Variants in RBM47 observed in about 807,000 individuals in gnomAD.
RBM47 encodes the protein RNA-binding protein 47.
A neutral mutation model predicts 47.1 loss-of-function variants in RBM47; 21 were observed. The observed-to-expected ratio is 0.45, with a 90% CI of 0.32 to 0.64. The LOEUF is 0.64. Ranked by LOEUF, RBM47 falls within the 30% of genes least tolerant of loss-of-function variation. The pLI is 0.05. For missense variants in RBM47, 708 were observed against 870.9 expected, an observed-to-expected ratio of 0.81 and a Z score of 2.35; for synonymous variants, 375 against 361.7, an observed-to-expected ratio of 1.04 and a Z score of -0.42.
intron 3 of RBM47, among the ~76,000 whole-genome samples, chr4:40,459,841 G>A (rs563689937): frequency 2.0e-5 from 3 of 152,204 alleles, no homozygotes; most frequent in Admixed American, 6.5e-5. Context: ...CTCTGCCTCC[G>A]CCTCCCAGGT....
chr4:40,560,516 C>T (rs945488712), intron 1 of RBM47, among the ~76,000 whole-genome samples: 1 of 152,250 alleles, frequency 6.6e-6, no homozygotes, highest in African/African-American at 2.4e-5. Flanking sequence ...TCTCCCTGCT[C>T]CCGGCAGTGC....
intron 1 of RBM47, among the ~76,000 whole-genome samples, chr4:40,590,993 G>C (rs1182532959): frequency 6.6e-6 from 1 of 152,184 alleles, no homozygotes; most frequent in African/African-American, 2.4e-5. Flanking sequence ...AGTAGAGTCG[G>C]GGTTTCCCCG....
chr4:40,454,364 C>T (rs1715905769), intron 3 of RBM47, among the ~76,000 whole-genome samples: 1 of 152,190 alleles, frequency 6.6e-6, no homozygotes, highest in South Asian at 2.1e-4. Context: ...TAATAATTAT[C>T]GCTATCTCAA....
chr4:40,438,170 T>TCACGTCCTCGTC lies in RBM47; in HGVS notation c.712_723dup (p.Asp238_Val241dup). ...ACGTAGAGGATCTTCACGGTCTCCA[T>TCACGTCCTCGTC]CACGTCCTCGTCCACGTCGATCTCA... On this transcript the variant is annotated inframe_insertion, in exon 4 of 7. Coordinates refer to ENST00000295971, the MANE Select transcript of RBM47 (RefSeq NM_001098634.2). 6.2e-7 allele frequency: 1 copy of TCACGTCCTCGTC among 1,611,034 alleles called. No individual in the cohort carries two copies. Among genetic ancestry groups the TCACGTCCTCGTC allele is most frequent in the South Asian group, 1.1e-5 (1 of 91,080 alleles).
At chr4:40,470,028 A>G (rs1718616647) in intron 2 of RBM47, among the ~76,000 whole-genome samples, 1 of 152,218 alleles carries the variant, frequency 6.6e-6, no homozygotes. Context: ...TCCTGACACA[A>G]TATTGGATAC....
chr4:40,469,133 C>A (rs183084006), intron 2 of RBM47, among the ~76,000 whole-genome samples: 4 of 152,294 alleles, frequency 2.6e-5, no homozygotes, highest in African/African-American at 4.8e-5. Flanking sequence ...ATTATTTGTG[C>A]AGAATTTTGA....
intron 1 of RBM47, among the ~76,000 whole-genome samples, chr4:40,620,303 C>T (rs1484333385): frequency 6.7e-6 from 1 of 149,886 alleles, no homozygotes; most frequent in African/African-American, 2.5e-5. Flanking sequence ...GTCAGGAGTT[C>T]GAGACCAGCC....
At chr4:40,435,753 A>G (rs1041545424) in intron 5 of RBM47, among the ~76,000 whole-genome samples, 6 of 152,260 alleles carry the variant, frequency 3.9e-5, no homozygotes, top group African/African-American at 1.4e-4. Flanking sequence ...GACAGGTTTT[A>G]CCTGATAGAA....
At chr4:40,608,888 G>C (rs190017244) in intron 1 of RBM47, among the ~76,000 whole-genome samples, 4 of 152,254 alleles carry the variant, frequency 2.6e-5, no homozygotes, top group Admixed American at 1.3e-4. Flanking sequence ...CTTAGAGTTG[G>C]CCCACTCATC....
chr4:40,553,705 C>T (rs993197287), intron 1 of RBM47, among the ~76,000 whole-genome samples: 3 of 152,128 alleles, frequency 2.0e-5, no homozygotes, highest in South Asian at 2.1e-4. Context: ...CAGCTCCTAA[C>T]GCAGGGTCTA....
In RBM47 at chr4:40,523,863, C is replaced by CAAA. The variant is rs34640118; in HGVS notation, c.-155+20556_-155+20558dup. On this transcript the variant is annotated intron_variant, in intron 2 of 6. Coordinates refer to ENST00000295971, the MANE Select transcript of RBM47 (RefSeq NM_001098634.2). ...TTGGGTGACAGAGTGAGCCCTGTCT[C>CAAA]AAAAAAAAAAAAAGAGGAAAAGAAA... Among the ~76,000 whole-genome samples the CAAA allele has an allele frequency of 3.3e-4, 44 of 133,172 alleles. 1 individual carries two copies. The highest frequency in any genetic ancestry group is 4.7e-4 in the Admixed American group (6 of 12,794). 87.4% of individuals were successfully genotyped at this position (133,172 alleles called of 152,430 possible).
intron 6 of RBM47, among the ~76,000 whole-genome samples, chr4:40,428,932 G>C (rs1301636990): frequency 6.6e-6 from 1 of 152,158 alleles, no homozygotes; most frequent in Non-Finnish European, 1.5e-5. Context: ...ACTTGGTTTT[G>C]CTTTCCATGG....
At chr4:40,449,037 A>G (rs534439488) in intron 3 of RBM47, among the ~76,000 whole-genome samples, 8 of 152,258 alleles carry the variant, frequency 5.3e-5, no homozygotes, top group Non-Finnish European at 1.2e-4. Flanking sequence ...ACCACCCAGT[A>G]GAATAAACAT....
intron 1 of RBM47, among the ~76,000 whole-genome samples, chr4:40,567,557 C>T (rs1731218518): frequency 6.6e-6 from 1 of 152,002 alleles, no homozygotes; most frequent in Non-Finnish European, 1.5e-5. Context: ...AATAGTCATG[C>T]AGTAACTGTT....
At chr4:40,584,280 A>C (rs975732433) in intron 1 of RBM47, among the ~76,000 whole-genome samples, 9 of 152,146 alleles carry the variant, frequency 5.9e-5, no homozygotes, top group African/African-American at 1.9e-4. Flanking sequence ...TCACTTATTA[A>C]ACTGAACACG....
chr4:40,585,330 T>C (rs1039113180), intron 1 of RBM47, among the ~76,000 whole-genome samples: 4 of 152,178 alleles, frequency 2.6e-5, no homozygotes, highest in Non-Finnish European at 5.9e-5. Flanking sequence ...TGAGATCAAG[T>C]TCCTTTGAGC....
intron 1 of RBM47, among the ~76,000 whole-genome samples, chr4:40,566,853 G>GT (rs1174960824): frequency 2.0e-5 from 3 of 151,854 alleles, no homozygotes; most frequent in Admixed American, 2.0e-4. Flanking sequence ...CTCATAAGGA[G>GT]TGTATGCCTT....
chr4:40,608,985 TTTTATTTATTTA>T (rs369701422), intron 1 of RBM47, among the ~76,000 whole-genome samples: 4 of 152,012 alleles, frequency 2.6e-5, no homozygotes, highest in South Asian at 4.2e-4. Flanking sequence ...ATACCTCTTC[TTTTATTTATTTA>T]TTTATTTATT....
chr4:40,453,262 C>G (rs1037715221), intron 3 of RBM47, among the ~76,000 whole-genome samples: 7 of 152,266 alleles, frequency 4.6e-5, no homozygotes, highest in African/African-American at 1.7e-4. Context: ...TTGTTCAGCC[C>G]TAGGAGGTCA....
Sources: allele counts gnomAD v4.1 joint callset (sites outside exome capture counted in the v4.1 genomes callset), GRCh38; gene constraint gnomAD v4.1.1; transcripts MANE v1.5; gene names NCBI Gene and HGNC (gene_info 2026-07-23, HGNC 2026-07-21).